The following GEN1 variants were observed in gnomAD, a reference collection of about 807,000 sequenced individuals.
GEN1 encodes flap endonuclease GEN homolog 1.
GEN1 carries 64 observed loss-of-function variants against 67.6 expected under a neutral mutation model. The observed-to-expected ratio is 0.95, with a 90% CI of 0.77 to 1.17. The LOEUF is 1.17. GEN1 is among the 50% of genes most tolerant of loss of function. The probability of loss-of-function intolerance (pLI) is 0.00; values close to 1 mark genes in which losing one functional copy is unlikely to be tolerated. For missense variants in GEN1, 1,058 were observed against 1,048.3 expected (o/e 1.01, Z -0.13); for synonymous variants, 371 against 359.4 (o/e 1.03, Z -0.37).
rs377403199 is a variant in GEN1 at position 17,773,078 on chromosome 2, A to G, written c.954-18A>G. ...TTGTCTGATTATAGTAATAACATGT[A>G]TATAATTTTTTTTTCAGGAAAGCTT... On this transcript the variant is annotated intron_variant, in intron 8 of 13. Transcript: ENST00000381254. The G allele has an allele frequency of 7.5e-5, 113 of 1,505,378 alleles. No individual in the cohort carries two copies. The highest frequency in any genetic ancestry group is 9.7e-5 in the Non-Finnish European group (105 of 1,085,572). The allele number at this position is 1,505,378 out of a possible 1,614,324, so 93.3% of individuals were successfully genotyped here.
intron 11 of GEN1, among the ~76,000 whole-genome samples, chr2:17,776,137 G>C (rs377576533): frequency 7.3e-6 from 1 of 136,878 alleles, no homozygotes; most frequent in Non-Finnish European, 1.6e-5. Context: ...AAAAAAAAAA[G>C]GAAAGTTTAA....
intron 12 of GEN1, among the ~76,000 whole-genome samples, chr2:17,778,323 CGTGTACAT>C (rs1558409394): frequency 0.013 from 412 of 30,876 alleles, 130 homozygotes; most frequent in African/African-American, 0.025. Flanking sequence ...TACACACACA[CGTGTACAT>C]ATATGTATAC....
chr2:17,769,194 C>T (rs1053696773), intron 6 of GEN1, among the ~76,000 whole-genome samples: 1 of 151,688 alleles, frequency 6.6e-6, no homozygotes, highest in Non-Finnish European at 1.5e-5. Context: ...CACCATACTA[C>T]ATTTAAAATA....
In GEN1 at chr2:17,766,425, C is replaced by T. The variant is rs181643442; in HGVS notation, c.526-154C>T. ...CCTCAAGTGATACACCCACCTTGGCCTCTCAGAGTGCTGGGATTACAGGCA... is the reference window on the plus strand; with the variant it reads ...CCTCAAGTGATACACCCACCTTGGCTTCTCAGAGTGCTGGGATTACAGGCA... On this transcript the variant is annotated intron_variant, in intron 4 of 13. Coordinates refer to ENST00000381254, the MANE Select transcript of GEN1 (RefSeq NM_001130009.3). Among the ~76,000 whole-genome samples, 214 of 152,330 alleles carry T rather than the reference C, an allele frequency of 1.4e-3. 1 individual carries two copies. Among genetic ancestry groups the T allele is most frequent in the African/African-American group, 5.0e-3 (209 of 41,588 alleles).
intron 3 of GEN1, among the ~76,000 whole-genome samples, chr2:17,761,896 G>A (rs1352798309): frequency 1.3e-5 from 2 of 152,158 alleles, no homozygotes; most frequent in South Asian, 4.1e-4. Context: ...ACTAGTACAT[G>A]GTAGGAACTT....
At position 17,764,493 on chromosome 2, in the gene GEN1, T is replaced by G. The variant is rs540687609; in HGVS notation, c.349-404T>G. 1.4e-3 allele frequency among the ~76,000 whole-genome samples: 213 copies of G among 152,350 alleles called. 1 individual carries two copies. Among genetic ancestry groups the G allele is most frequent in the South Asian group, 2.7e-3 (13 of 4,830 alleles). On this transcript the variant is annotated intron_variant, in intron 3 of 13. Coordinates refer to ENST00000381254, the MANE Select transcript of GEN1 (RefSeq NM_001130009.3). ...ATCTTAATTTTTTATTACAGAAAAT[T>G]TAAATCAACACAAAAGTAACCCATC...
At position 17,781,487 on chromosome 2, in the gene GEN1, A is replaced by G. The variant is rs1220080092; in HGVS notation, c.2275A>G (p.Ser759Gly). The G allele has an allele frequency of 6.2e-7, 1 of 1,613,548 alleles. No individual in the cohort carries two copies. Among genetic ancestry groups the G allele is most frequent in the Non-Finnish European group, 8.5e-7 (1 of 1,179,950 alleles). ...KVNTSVPYSV[S>G]NTVVKTCNVR... The stretch of plus-strand genomic sequence containing the variant: ...CAATACTTCTGTCCCTTATTCTGTC[A>G]GTAACACAGTGGTAAAGACCTGCAA... The change falls in exon 14 of 14, where the codon AGT becomes GGT. Residue 759 changes from serine (S) to glycine (G), a missense_variant. Coordinates refer to ENST00000381254, the MANE Select transcript of GEN1 (RefSeq NM_001130009.3).
At chr2:17,768,144 G>T (rs1387315915) in intron 5 of GEN1, among the ~76,000 whole-genome samples, 1 of 152,144 alleles carries the variant, frequency 6.6e-6, no homozygotes, top group Admixed American at 6.5e-5. Context: ...TGCTTATAAG[G>T]ACATATTCAT....
Position 17,780,073 on chromosome 2 carries a change from G to T in GEN1, c.1360G>T (p.Ala454Ser). 1 of 1,612,288 alleles carries T rather than the reference G, an allele frequency of 6.2e-7. No homozygotes were observed. Among genetic ancestry groups the T allele is most frequent in the Non-Finnish European group, 8.5e-7 (1 of 1,179,096 alleles). The change falls in exon 13 of 14, where the codon GCT becomes TCT. Residue 454 changes from alanine to serine, a missense_variant. Coordinates refer to ENST00000381254, the MANE Select transcript of GEN1 (RefSeq NM_001130009.3). The stretch of plus-strand genomic sequence containing the variant: ...TGAAGCAGCATATCCTGAGATCGTT[G>T]CTGTTTACCAAAAACAAAAGTTAGA... ...LFEAAYPEIV[A>S]VYQKQKLEIK...
At chr2:17,777,342 A>C (rs990923321) in intron 11 of GEN1, among the ~76,000 whole-genome samples, 1 of 152,200 alleles carries the variant, frequency 6.6e-6, no homozygotes, top group African/African-American at 2.4e-5. Flanking sequence ...GATGATGATA[A>C]GCCAAAACTC....
intron 1 of GEN1, chr2:17,755,172 A>C (rs1671358556): frequency 6.6e-6 from 1 of 152,242 alleles, no homozygotes; most frequent in South Asian, 2.1e-4. Flanking sequence ...AATATGACAT[A>C]GTCAAAATAG....
intron 3 of GEN1, among the ~76,000 whole-genome samples, chr2:17,762,270 C>T (rs1398221700): frequency 2.8e-5 from 4 of 144,448 alleles, no homozygotes; most frequent in East Asian, 2.0e-4. Flanking sequence ...GGCGCAATCT[C>T]GGCTCACTGC....
In GEN1 at chr2:17,785,234, T is replaced by C. The variant is rs1673019028; in HGVS notation, c.*3295T>C. 6.6e-6 allele frequency: 1 copy of C among 152,242 alleles called. No individual in the cohort carries two copies. Among genetic ancestry groups the C allele is most frequent in the South Asian group, 2.1e-4 (1 of 4,834 alleles). 9.4% of individuals were successfully genotyped at this position (152,242 alleles called of 1,614,324 possible). A position where few individuals can be genotyped will look rare whatever the true frequency, so the allele number is the denominator to read the frequency against. On this transcript the variant is annotated 3_prime_UTR_variant, in exon 14 of 14. Transcript: ENST00000381254. ...TTGGGGACTGCTGATATACCTAATATAGGCATAAGTGTAAAATTATAGTTC... is the reference window on the plus strand; with the variant it reads ...TTGGGGACTGCTGATATACCTAATACAGGCATAAGTGTAAAATTATAGTTC...
chr2:17,757,519 A>G (rs1385854408), intron 1 of GEN1, among the ~76,000 whole-genome samples: 1 of 152,124 alleles, frequency 6.6e-6, no homozygotes, highest in African/African-American at 2.4e-5. Flanking sequence ...TCATTTGTGT[A>G]TGTGTAGTCA....
rs544959177 is a variant in GEN1 at position 17,783,434 on chromosome 2, C to G, written c.*1495C>G. ...CATGAATCAGAAGACATAAGATGAC[C>G]ATACTCCCCAAACTGATCTACAGGT... On this transcript the variant is annotated 3_prime_UTR_variant, in exon 14 of 14. Coordinates refer to ENST00000381254, the MANE Select transcript of GEN1 (RefSeq NM_001130009.3). The G allele has an allele frequency of 7.9e-5, 12 of 152,248 alleles. No homozygotes were observed. Among genetic ancestry groups the G allele is most frequent in the African/African-American group, 2.9e-4 (12 of 41,548 alleles). 9.4% of individuals were successfully genotyped at this position (152,248 alleles called of 1,614,324 possible). A position where few individuals can be genotyped will look rare whatever the true frequency, so the allele number is the denominator to read the frequency against.
chr2:17,781,854 A>G lies in GEN1; in HGVS notation c.2642A>G (p.His881Arg), dbSNP rs201891945. ...AGTTCTCTGAGTTCTCTACAATGTC[A>G]TAAGAAAGAAAACAACTCTGGTACT... ...TKSSLSSLQC[H>R]KKENNSGTCL... Residue 881 changes from histidine to arginine, a missense_variant, in exon 14 of 14, where the codon CAT (histidine) becomes CGT (arginine). His to Arg is a conservative substitution (Grantham distance 29). Transcript: ENST00000381254. The G allele has an allele frequency of 1.2e-6, 2 of 1,605,124 alleles. No individual in the cohort carries two copies. The highest frequency in any genetic ancestry group is 1.3e-5 in the African/African-American group (1 of 74,136).
chr2:17,767,412 GA>G (rs1477109771), intron 5 of GEN1, among the ~76,000 whole-genome samples: 1 of 152,092 alleles, frequency 6.6e-6, no homozygotes, highest in African/African-American at 2.4e-5. Context: ...GTATAAAGAA[GA>G]ATGACATGTA....
rs1673127800 is a variant in GEN1 at position 17,788,591 on chromosome 2, A to T, written c.*6652A>T. The T allele has an allele frequency of 6.6e-6, 1 of 152,168 alleles. No homozygotes were observed. The highest frequency in any genetic ancestry group is 2.1e-4 in the South Asian group (1 of 4,820). The allele number at this position is 152,168 out of a possible 1,614,324, so 9.4% of individuals were successfully genotyped here. On this transcript the variant is annotated 3_prime_UTR_variant, in exon 14 of 14. Coordinates refer to ENST00000381254, the MANE Select transcript of GEN1 (RefSeq NM_001130009.3). The stretch of plus-strand genomic sequence containing the variant: ...TTCCTTAGCATTATTCTATTCCAAG[A>T]CCCAAAAAGGAAAATAACCTCCCCA...
At chr2:17,765,207 C>A in intron 4 of GEN1, 134 bp downstream of exon 4, 1 of 747,694 alleles carries the variant, frequency 1.3e-6, no homozygotes, top group Non-Finnish European at 2.1e-6. Flanking sequence ...AAAATGCTTA[C>A]TGTTATTAAA....
Sources: allele counts gnomAD v4.1 joint callset (sites outside exome capture counted in the v4.1 genomes callset), GRCh38; gene constraint gnomAD v4.1.1; transcripts MANE v1.5; gene names NCBI Gene and HGNC (gene_info 2026-07-23, HGNC 2026-07-21).